The following ERC2 variants were observed in gnomAD, a reference collection of about 807,000 sequenced individuals.
ERC2 encodes ERC protein 2.
Under a neutral mutation model 114.8 loss-of-function variants are expected in ERC2, and 42 were observed. The ratio of observed to expected loss-of-function variants is 0.37; its 90% CI spans 0.29 to 0.47. ERC2 has a LOEUF of 0.47. Ranked by LOEUF, ERC2 falls within the 20% of genes least tolerant of loss-of-function variation. The pLI is 0.99. For synonymous variants in ERC2, 454 were observed against 425.5 expected, an observed-to-expected ratio of 1.07 and a Z score of -0.82; for missense variants, 939 against 1,150.7, an observed-to-expected ratio of 0.82 and a Z score of 2.66.
chr3:55,662,247 T>C (rs1036447835), intron 17 of ERC2, among the ~76,000 whole-genome samples: 22 of 152,254 alleles, frequency 1.4e-4, no homozygotes, highest in African/African-American at 4.3e-4. Context: ...TACTTGCACA[T>C]ACGCCCAAAG....
intron 13 of ERC2, among the ~76,000 whole-genome samples, chr3:55,913,576 C>T (rs1267762868): frequency 7.3e-5 from 11 of 151,190 alleles, no homozygotes; most frequent in East Asian, 3.9e-4. Flanking sequence ...TTTTTGCTGA[C>T]GTTATACTTA....
chr3:55,934,586 C>G (rs557651944), intron 13 of ERC2, among the ~76,000 whole-genome samples: 3 of 152,248 alleles, frequency 2.0e-5, no homozygotes, highest in South Asian at 4.2e-4. Flanking sequence ...CTACGTAACT[C>G]TAGATTGAAG....
At chr3:56,286,165 G>A (rs1016696818) in intron 3 of ERC2, among the ~76,000 whole-genome samples, 1 of 152,120 alleles carries the variant, frequency 6.6e-6, no homozygotes, top group African/African-American at 2.4e-5. Flanking sequence ...TGTAATCCCA[G>A]CATTTTGGGA....
intron 11 of ERC2, among the ~76,000 whole-genome samples, chr3:55,990,207 C>T (rs1402671836): frequency 6.6e-6 from 1 of 151,980 alleles, no homozygotes; most frequent in East Asian, 1.9e-4. Flanking sequence ...AAACAAAGCC[C>T]TTTAAGGATT....
intron 7 of ERC2, among the ~76,000 whole-genome samples, chr3:56,023,774 T>TGAAGGAAGGAAGGAAG (rs58820385): frequency 0.039 from 5,195 of 131,772 alleles, 284 homozygotes; most frequent in South Asian, 0.064. Flanking sequence ...AAAAAAGGAA[T>TGAAGGAAGGAAGGAAG]GAAGGAAGGA....
chr3:55,958,895 G>C (rs1381012665), intron 12 of ERC2, among the ~76,000 whole-genome samples: 1 of 152,188 alleles, frequency 6.6e-6, no homozygotes, highest in Non-Finnish European at 1.5e-5. Flanking sequence ...CAGAGCCACA[G>C]CTGGGAAGCT....
Position 55,931,378 on chromosome 3 carries a change from T to C in ERC2, c.2403+19047A>G, listed in dbSNP as rs574996190. On this transcript the variant is annotated intron_variant, in intron 13 of 17. Coordinates refer to ENST00000288221, the MANE Select transcript of ERC2 (RefSeq NM_015576.3). Reference sequence around the variant, plus strand: ...AAATGCCCATCAGTGATAGACTGGATAAAGAAAACATGGCACATATACACT... The same window carrying C: ...AAATGCCCATCAGTGATAGACTGGACAAAGAAAACATGGCACATATACACT... Among the ~76,000 whole-genome samples the C allele has an allele frequency of 3.7e-4, 56 of 152,166 alleles. 2 individuals carry two copies. In the South Asian group the frequency reaches 0.011, roughly 30 times the overall value.
intron 17 of ERC2, among the ~76,000 whole-genome samples, chr3:55,574,043 G>A (rs933166909): frequency 1.3e-5 from 2 of 152,174 alleles, no homozygotes; most frequent in African/African-American, 4.8e-5. Flanking sequence ...GTCAGTGGCA[G>A]TAATCATAGC....
At chr3:55,575,827 T>C (rs1010189105) in intron 17 of ERC2, among the ~76,000 whole-genome samples, 6 of 152,218 alleles carry the variant, frequency 3.9e-5, no homozygotes, top group Non-Finnish European at 2.9e-5. Flanking sequence ...TGCCTGGGAC[T>C]TTGTGCCAAG....
chr3:55,838,658 T>C (rs542932435), intron 14 of ERC2, among the ~76,000 whole-genome samples: 1 of 151,878 alleles, frequency 6.6e-6, no homozygotes, highest in South Asian at 2.1e-4. Flanking sequence ...AAACAAAAAG[T>C]TTGTTCTTTG....
chr3:56,422,652 T>C (rs1325943307), intron 2 of ERC2, among the ~76,000 whole-genome samples: 1 of 152,184 alleles, frequency 6.6e-6, no homozygotes. Context: ...AGAGCTTCCA[T>C]TTCAGCCCCA....
chr3:55,640,938 A>G (rs1484133797), intron 17 of ERC2, among the ~76,000 whole-genome samples: 2 of 152,234 alleles, frequency 1.3e-5, no homozygotes, highest in Admixed American at 6.5e-5. Flanking sequence ...CAATTAAAAT[A>G]ACTTATTTCT....
At chr3:55,908,836 G>A (rs2064627069) in intron 13 of ERC2, among the ~76,000 whole-genome samples, 1 of 152,282 alleles carries the variant, frequency 6.6e-6, no homozygotes, top group South Asian at 2.1e-4. Context: ...AAAGGGTCAC[G>A]TGCCTGCCCC....
intron 13 of ERC2, among the ~76,000 whole-genome samples, chr3:55,907,707 G>A (rs1025537657): frequency 6.6e-6 from 1 of 152,310 alleles, no homozygotes; most frequent in African/African-American, 2.4e-5. Context: ...CCACTTACCA[G>A]CTGTGTGACC....
intron 14 of ERC2, among the ~76,000 whole-genome samples, chr3:55,841,690 G>C (rs2061141757): frequency 6.6e-6 from 1 of 152,150 alleles, no homozygotes; most frequent in Non-Finnish European, 1.5e-5. Context: ...TAAAGAGAAA[G>C]ACTAAGGTAG....
chr3:55,974,550 C>T (rs2069428909), intron 12 of ERC2, among the ~76,000 whole-genome samples: 1 of 152,212 alleles, frequency 6.6e-6, no homozygotes, highest in Non-Finnish European at 1.5e-5. Flanking sequence ...AGGCATAAAA[C>T]CCCTCCTGGA....
At chr3:56,291,858 C>CG in intron 3 of ERC2, among the ~76,000 whole-genome samples, 1 of 151,126 alleles carries the variant, frequency 6.6e-6, no homozygotes, top group Non-Finnish European at 1.5e-5. Context: ...AAAGTACATT[C>CG]TAAAACTCAG....
At chr3:55,560,917 C>T (rs2055970125) in intron 17 of ERC2, among the ~76,000 whole-genome samples, 1 of 152,064 alleles carries the variant, frequency 6.6e-6, no homozygotes, top group East Asian at 1.9e-4. Context: ...GATTATTGGC[C>T]CAGTAAGCCC....
chr3:55,508,986 G>A lies in ERC2; in HGVS notation c.*2330C>T, dbSNP rs538647786. On this transcript the variant is annotated 3_prime_UTR_variant, in exon 18 of 18. Coordinates refer to ENST00000288221, the MANE Select transcript of ERC2 (RefSeq NM_015576.3). ...TCACAGTGTTTGTTGTAAACCCAGA[G>A]ACTATTCTTAATATGTGAAAAAGGG... 1 of 152,712 alleles carries A rather than the reference G, an allele frequency of 6.5e-6. No homozygotes were observed. Among genetic ancestry groups the A allele is most frequent in the South Asian group, 2.1e-4 (1 of 4,820 alleles). The allele number at this position is 152,712 out of a possible 1,614,324, so 9.5% of individuals were successfully genotyped here.
Sources: gnomAD v4.1 joint callset for allele counts (sites outside exome capture counted in the v4.1 genomes callset) on GRCh38, gnomAD v4.1.1 for gene constraint, MANE v1.5 for transcripts, NCBI Gene and HGNC (gene_info 2026-07-23, HGNC 2026-07-21) for gene names.